FBXO21: variants seen among roughly 807,000 people sequenced by gnomAD.
FBXO21 encodes F-box only protein 21.
A neutral mutation model predicts 76.6 loss-of-function variants in FBXO21; 32 were observed. The ratio of observed to expected loss-of-function variants is 0.42; its 90% CI spans 0.32 to 0.56. The LOEUF is 0.56. FBXO21 is among the 20% of genes least tolerant of loss of function. FBXO21 has a pLI of 0.16. For synonymous variants in FBXO21, 328 were observed against 311.5 expected, an observed-to-expected ratio of 1.05 and a Z score of -0.56; for missense variants, 586 against 797.3, an observed-to-expected ratio of 0.73 and a Z score of 3.19.
At chr12:117,149,623 C>T (rs1464157262) in intron 11 of FBXO21, among the ~76,000 whole-genome samples, 1 of 152,176 alleles carries the variant, frequency 6.6e-6, no homozygotes, top group Non-Finnish European at 1.5e-5. Flanking sequence ...TGCTAAGTAC[C>T]CTACAACGCA....
chr12:117,167,416 G>A (rs1039951983), intron 7 of FBXO21, among the ~76,000 whole-genome samples: 2 of 152,146 alleles, frequency 1.3e-5, no homozygotes, highest in Non-Finnish European at 2.9e-5. Context: ...GCAGGTAACC[G>A]TCTGTGGATC....
At chr12:117,153,192 T>C (rs1446662915) in intron 11 of FBXO21, among the ~76,000 whole-genome samples, 2 of 151,250 alleles carry the variant, frequency 1.3e-5, no homozygotes, top group African/African-American at 2.4e-5. Context: ...AGTTAGGAAG[T>C]AGGCAAGCAG....
chr12:117,158,245 G>A (rs577011597), intron 9 of FBXO21, among the ~76,000 whole-genome samples, 182 bp from the exon 10 acceptor site: 29 of 152,252 alleles, frequency 1.9e-4, no homozygotes, highest in African/African-American at 7.0e-4. Context: ...CCACCAAATC[G>A]GCACTGCAGA....
At chr12:117,147,000 T>A (rs1397488546) in intron 11 of FBXO21, among the ~76,000 whole-genome samples, 1 of 152,062 alleles carries the variant, frequency 6.6e-6, no homozygotes, top group African/African-American at 2.4e-5. Flanking sequence ...CCCAGCACTT[T>A]GGGAGGCTGA....
At chr12:117,170,538 T>C (rs565980006) in intron 7 of FBXO21, among the ~76,000 whole-genome samples, 1 of 152,244 alleles carries the variant, frequency 6.6e-6, no homozygotes, top group African/African-American at 2.4e-5. Context: ...CAGAGAAAAG[T>C]GGCCAAAGGC....
chr12:117,187,317 G>C (rs1592900194), intron 2 of FBXO21, among the ~76,000 whole-genome samples: 4 of 151,554 alleles, frequency 2.6e-5, no homozygotes, highest in African/African-American at 9.7e-5. Flanking sequence ...CTACTCGGGA[G>C]GCTGAGGCAG....
At chr12:117,183,395 G>T (rs1417360993) in intron 3 of FBXO21, among the ~76,000 whole-genome samples, 1 of 152,086 alleles carries the variant, frequency 6.6e-6, no homozygotes, top group Non-Finnish European at 1.5e-5. Context: ...CAGTAGCTGG[G>T]ATTACAGGCA....
chr12:117,159,787 C>T (rs1400200211), intron 9 of FBXO21, among the ~76,000 whole-genome samples: 1 of 152,176 alleles, frequency 6.6e-6, no homozygotes, highest in Non-Finnish European at 1.5e-5. Flanking sequence ...TCCTAGCAGC[C>T]ACCTCCCCAT....
chr12:117,149,362 A>G (rs1490507749), intron 11 of FBXO21, among the ~76,000 whole-genome samples: 2 of 152,196 alleles, frequency 1.3e-5, no homozygotes, highest in Non-Finnish European at 2.9e-5. Context: ...TGGGAATACC[A>G]TCGAGACAAA....
chr12:117,166,827 A>T (rs1484376971), intron 8 of FBXO21, 71 bp downstream of exon 8: 2 of 1,373,908 alleles, frequency 1.5e-6, no homozygotes, highest in Non-Finnish European at 2.0e-6. Context: ...CACTTGGCAC[A>T]TCTCAAACAC....
In FBXO21 at chr12:117,143,521, A is replaced by G. The variant is rs1014481138; in HGVS notation, c.*2566T>C. On this transcript the variant is annotated 3_prime_UTR_variant, in exon 12 of 12. Transcript: ENST00000622495. ...AAAGCATGAGCAGTTCTCATTTTAC[A>G]ACATGTGTTTTAACATAATTCAGAA... 2 of 152,236 alleles carry G rather than the reference A, an allele frequency of 1.3e-5. No individual in the cohort carries two copies. The highest frequency in any genetic ancestry group is 4.8e-5 in the African/African-American group (2 of 41,466). The allele number at this position is 152,236 out of a possible 1,614,324, so 9.4% of individuals were successfully genotyped here.
intron 1 of FBXO21, among the ~76,000 whole-genome samples, 170 bp downstream of exon 1, chr12:117,190,048 T>C (rs1956328597): frequency 6.6e-6 from 1 of 151,334 alleles, no homozygotes; most frequent in Non-Finnish European, 1.5e-5. Context: ...CCGCCTGGCG[T>C]GGCCCCGCAG....
At chr12:117,181,320 T>C (rs1442929117) in intron 3 of FBXO21, among the ~76,000 whole-genome samples, 2 of 152,230 alleles carry the variant, frequency 1.3e-5, no homozygotes, top group Non-Finnish European at 2.9e-5. Context: ...TCATTGAGTA[T>C]CTTAAGCTAT....
intron 11 of FBXO21, among the ~76,000 whole-genome samples, chr12:117,152,833 T>C (rs148103361): frequency 2.0e-5 from 3 of 152,314 alleles, no homozygotes; most frequent in South Asian, 2.1e-4. Flanking sequence ...AAAATCTCTA[T>C]AGATAAAGCA....
intron 9 of FBXO21, among the ~76,000 whole-genome samples, chr12:117,158,367 G>A (rs1339892487): frequency 6.6e-6 from 1 of 152,166 alleles, no homozygotes; most frequent in Non-Finnish European, 1.5e-5. Context: ...ATAAGCGCTG[G>A]GGACGCAGGT....
intron 5 of FBXO21, among the ~76,000 whole-genome samples, 153 bp from the exon 6 acceptor site, chr12:117,174,494 T>G (rs1956153858): frequency 6.6e-6 from 1 of 152,232 alleles, no homozygotes; most frequent in Non-Finnish European, 1.5e-5. Flanking sequence ...GTATTTGAAG[T>G]GTTTTAGGTT....
At position 117,189,141 on chromosome 12, in the gene FBXO21, G is replaced by A. The variant is rs568462756; in HGVS notation, c.375+86C>T. On this transcript the variant is annotated intron_variant, in intron 2 of 11. Transcript: ENST00000622495. ...GTGAGAGCATTGAAAAGGGAGATAC[G>A]AAAAGAGCTGGATGAGCTCATGCCT... 9 of 1,501,698 alleles carry A rather than the reference G, an allele frequency of 6.0e-6. No individual in the cohort carries two copies. The African/African-American group carries it at 6.9e-5, about 12-fold the overall frequency. The allele number at this position is 1,501,698 out of a possible 1,614,324, so 93.0% of individuals were successfully genotyped here. A position where few individuals can be genotyped will look rare whatever the true frequency, so the allele number is the denominator to read the frequency against.
At chr12:117,181,291 T>C (rs1956228126) in intron 3 of FBXO21, among the ~76,000 whole-genome samples, 1 of 152,252 alleles carries the variant, frequency 6.6e-6, no homozygotes, top group African/African-American at 2.4e-5. Context: ...TAAAAATCCT[T>C]GGTTGACATT....
chr12:117,184,561 C>T (rs964717896), intron 3 of FBXO21, among the ~76,000 whole-genome samples: 3 of 152,168 alleles, frequency 2.0e-5, no homozygotes, highest in Admixed American at 2.0e-4. Context: ...TGAGACCAGC[C>T]TGACCAAGAG....
Sources: gnomAD v4.1 joint callset for allele counts (sites outside exome capture counted in the v4.1 genomes callset) on GRCh38, gnomAD v4.1.1 for gene constraint, MANE v1.5 for transcripts, NCBI Gene and HGNC (gene_info 2026-07-23, HGNC 2026-07-21) for gene names.